The following CDH13 variants were observed in gnomAD, a reference collection of about 807,000 sequenced individuals.
CDH13 encodes the protein cadherin-13.
A neutral mutation model predicts 63.8 loss-of-function variants in CDH13; 24 were observed. The observed-to-expected ratio is 0.38, with a 90% confidence interval of 0.27 to 0.53. CDH13 has a LOEUF of 0.53. Among genes scored for constraint, CDH13 ranks in the 20% least tolerant of loss-of-function variants. The pLI, the probability that CDH13 is intolerant of heterozygous loss-of-function variation, is 0.85. For synonymous variants in CDH13, 503 were observed against 355.3 expected (o/e 1.42, Z -4.67); for missense variants, 1,049 against 903.1 (o/e 1.16, Z -2.07).
At chr16:83,708,286 C>T (rs7190768) in intron 10 of CDH13, among the ~76,000 whole-genome samples, 50,382 of 152,204 alleles carry the variant, frequency 0.33, 8,560 homozygotes, top group Non-Finnish European at 0.35. Context: ...GTCAACCAGA[C>T]GTGTGCTTCC....
intron 2 of CDH13, among the ~76,000 whole-genome samples, chr16:82,976,416 C>T (rs1017094688): frequency 2.0e-5 from 3 of 152,172 alleles, no homozygotes; most frequent in Non-Finnish European, 4.4e-5. Context: ...TTTTTCTTCA[C>T]TGTGCTGGAG....
At chr16:83,447,026 C>G (rs557222991) in intron 6 of CDH13, among the ~76,000 whole-genome samples, 35 of 121,084 alleles carry the variant, frequency 2.9e-4, no homozygotes, top group African/African-American at 9.9e-4. Flanking sequence ...TTTAAATAGA[C>G]TTACCACCAC....
intron 2 of CDH13, among the ~76,000 whole-genome samples, chr16:83,012,072 G>A (rs1597404586): frequency 6.6e-6 from 1 of 152,122 alleles, no homozygotes; most frequent in Non-Finnish European, 1.5e-5. Flanking sequence ...CCATTTGAAA[G>A]TTGAAAGAGG....
chr16:83,044,980 T>C (rs1425396156), intron 3 of CDH13, among the ~76,000 whole-genome samples: 1 of 152,316 alleles, frequency 6.6e-6, no homozygotes, highest in African/African-American at 2.4e-5. Context: ...TCTCTTGTTA[T>C]TACCATAAAT....
intron 7 of CDH13, among the ~76,000 whole-genome samples, chr16:83,525,053 C>T (rs917156774): frequency 6.6e-6 from 1 of 152,162 alleles, no homozygotes; most frequent in Admixed American, 6.5e-5. Context: ...AGTTATTGGT[C>T]TGATGCACAC....
intron 1 of CDH13, among the ~76,000 whole-genome samples, chr16:82,793,691 C>G (rs2036433392): frequency 6.6e-6 from 1 of 152,128 alleles, no homozygotes. Flanking sequence ...CCTCCTTCCT[C>G]TTGTCTGTGA....
At chr16:83,065,869 A>G (rs1290680636) in intron 3 of CDH13, among the ~76,000 whole-genome samples, 1 of 152,122 alleles carries the variant, frequency 6.6e-6, no homozygotes, top group Admixed American at 6.6e-5. Flanking sequence ...CCTCTTGCAA[A>G]GCCTCTACTA....
intron 6 of CDH13, among the ~76,000 whole-genome samples, chr16:83,349,889 T>C (rs1325088159): frequency 2.0e-5 from 3 of 152,100 alleles, no homozygotes; most frequent in South Asian, 4.1e-4. Context: ...TGTGAGTCAC[T>C]GCACCTGGCC....
intron 5 of CDH13, among the ~76,000 whole-genome samples, chr16:83,265,154 T>G (rs1907454623): frequency 6.6e-6 from 1 of 152,246 alleles, no homozygotes; most frequent in South Asian, 2.1e-4. Context: ...TCTTGGAATT[T>G]GTTTTTCTTG....
intron 2 of CDH13, among the ~76,000 whole-genome samples, chr16:83,000,821 C>T (rs749292110): frequency 1.3e-3 from 198 of 152,228 alleles, no homozygotes; most frequent in Non-Finnish European, 2.3e-3. Context: ...CCGCATGATC[C>T]GCCCGCCTCG....
chr16:82,722,956 A>G (rs1425563108), intron 1 of CDH13: 4 of 152,212 alleles, frequency 2.6e-5, no homozygotes, highest in Non-Finnish European at 5.9e-5. Flanking sequence ...TTAAGAGTCA[A>G]TAAATCATTT....
Position 82,775,617 on chromosome 16 carries a change from G to T in CDH13, c.46-82745G>T, listed in dbSNP as rs2325688. Among the ~76,000 whole-genome samples, 34 of 151,938 alleles carry T rather than the reference G, an allele frequency of 2.2e-4. 1 individual carries two copies. Among genetic ancestry groups the T allele is most frequent in the Admixed American group, 1.3e-4 (2 of 15,248 alleles). On this transcript the variant is annotated intron_variant, in intron 1 of 13. Coordinates refer to ENST00000567109, the MANE Select transcript of CDH13 (RefSeq NM_001257.5). Reference sequence around the variant, plus strand: ...AGCAGAGGAAACTAAGCCTCAGAGAGGTTAAGTAATGTACCCAGGCCTCTC... The same window carrying T: ...AGCAGAGGAAACTAAGCCTCAGAGATGTTAAGTAATGTACCCAGGCCTCTC...
rs946751736 is a variant in CDH13 at position 83,344,876 on chromosome 16, C to A, written c.651C>A (p.Thr217=). The A allele has an allele frequency of 6.2e-7, 1 of 1,613,718 alleles. No homozygotes were observed. Among genetic ancestry groups the A allele is most frequent in the Non-Finnish European group, 8.5e-7 (1 of 1,179,768 alleles). ...VIAVYQLFVE[T]TDVNGKTLEG... is the part of the protein sequence containing the mutation. The stretch of plus-strand genomic sequence containing the variant: ...TGCTCAAATAGCTATTTGTGGAGAC[C>A]ACTGATGTCAATGGCAAAACTCTCG... Residue 217 remains threonine, a synonymous_variant, in exon 6 of 14, where the codon ACC becomes ACA. Coordinates refer to ENST00000567109, the MANE Select transcript of CDH13 (RefSeq NM_001257.5).
At chr16:83,599,167 C>T (rs1907547979) in intron 7 of CDH13, among the ~76,000 whole-genome samples, 1 of 152,228 alleles carries the variant, frequency 6.6e-6, no homozygotes, top group Admixed American at 6.5e-5. Flanking sequence ...AAGCAGCATA[C>T]TCCTGCTATA....
At chr16:82,681,154 T>C (rs1276432619) in intron 1 of CDH13, among the ~76,000 whole-genome samples, 1 of 152,156 alleles carries the variant, frequency 6.6e-6, no homozygotes, top group Non-Finnish European at 1.5e-5. Flanking sequence ...GGAAAATGCA[T>C]CCACGTGATA....
intron 1 of CDH13, among the ~76,000 whole-genome samples, chr16:82,767,015 C>T (rs557838173): frequency 6.6e-6 from 1 of 152,252 alleles, no homozygotes; most frequent in Admixed American, 6.5e-5. Flanking sequence ...GTGTGTCTCC[C>T]GTCCATCCAC....
At chr16:83,562,334 A>G (rs148440275) in intron 7 of CDH13, among the ~76,000 whole-genome samples, 13 of 152,314 alleles carry the variant, frequency 8.5e-5, no homozygotes, top group Non-Finnish European at 1.5e-4. Context: ...CTACCAGAAT[A>G]GAAAAAAAAA....
chr16:82,909,120 G>T (rs1170975730), intron 2 of CDH13, among the ~76,000 whole-genome samples: 1 of 152,068 alleles, frequency 6.6e-6, no homozygotes, highest in African/African-American at 2.4e-5. Context: ...GTAAATAGTT[G>T]TACTGTATTT....
intron 5 of CDH13, among the ~76,000 whole-genome samples, chr16:83,265,108 A>C (rs543946592): frequency 1.3e-4 from 20 of 152,310 alleles, no homozygotes; most frequent in Admixed American, 1.1e-3. Context: ...CAATGTCTTT[A>C]AATGTCTCAA....
Sources: allele counts gnomAD v4.1 joint callset (sites outside exome capture counted in the v4.1 genomes callset), GRCh38; gene constraint gnomAD v4.1.1; transcripts MANE v1.5; gene names NCBI Gene and HGNC (gene_info 2026-07-23, HGNC 2026-07-21).